Variants in SNTG1 observed in about 807,000 individuals in gnomAD.
The protein encoded by SNTG1 is gamma-1-syntrophin.
SNTG1 carries 39 observed loss-of-function variants against 74.7 expected under a neutral mutation model. The observed-to-expected ratio is 0.52, with a 90% CI of 0.40 to 0.68. The LOEUF (loss-of-function observed/expected upper bound fraction) is 0.68. SNTG1 is among the 30% of genes least tolerant of loss of function. The pLI, the probability that SNTG1 is intolerant of heterozygous loss-of-function variation, is 0.00. For synonymous variants in SNTG1, 254 were observed against 217.1 expected (o/e 1.17, Z -1.49); for missense variants, 685 against 609.5 (o/e 1.12, Z -1.30).
chr8:50,684,337 A>C (rs1161349623), intron 15 of SNTG1, among the ~76,000 whole-genome samples: 1 of 152,222 alleles, frequency 6.6e-6, no homozygotes, highest in Non-Finnish European at 1.5e-5. Context: ...TCTTAGAACT[A>C]TTAATCCTGG....
chr8:50,677,822 ATAGT>A (rs2131375028), intron 15 of SNTG1, among the ~76,000 whole-genome samples: 1 of 152,148 alleles, frequency 6.6e-6, no homozygotes, highest in South Asian at 2.1e-4. Context: ...AGTGGCATAG[ATAGT>A]TTGCAGTGCC....
chr8:50,239,407 G>C (rs1156585813), intron 2 of SNTG1, among the ~76,000 whole-genome samples: 1 of 152,168 alleles, frequency 6.6e-6, no homozygotes, highest in Non-Finnish European at 1.5e-5. Context: ...GGGGAAGCAG[G>C]CACCTTGTTC....
intron 1 of SNTG1, among the ~76,000 whole-genome samples, chr8:49,923,582 T>C (rs1357815389): frequency 2.0e-5 from 3 of 152,086 alleles, no homozygotes; most frequent in Non-Finnish European, 2.9e-5. Flanking sequence ...TGTTAAGACA[T>C]TGAGTCCTAG....
chr8:50,593,034 A>G (rs1035492138), intron 13 of SNTG1, among the ~76,000 whole-genome samples: 2 of 152,186 alleles, frequency 1.3e-5, no homozygotes, highest in African/African-American at 4.8e-5. Flanking sequence ...AAAAACACAT[A>G]TAATCCCATT....
chr8:49,951,900 A>G, intron 1 of SNTG1, among the ~76,000 whole-genome samples: 1 of 144,218 alleles, frequency 6.9e-6, no homozygotes, highest in South Asian at 2.1e-4. Flanking sequence ...AAAAAAAAAA[A>G]AAAAGAAGTA....
At chr8:50,168,939 C>T (rs1222540992) in intron 1 of SNTG1, among the ~76,000 whole-genome samples, 3 of 152,150 alleles carry the variant, frequency 2.0e-5, no homozygotes, top group Admixed American at 6.5e-5. Flanking sequence ...TTCGGTTACA[C>T]GTGCACTCGT....
chr8:50,717,065 T>C (rs1365920791), intron 17 of SNTG1, among the ~76,000 whole-genome samples: 1 of 152,168 alleles, frequency 6.6e-6, no homozygotes, highest in Non-Finnish European at 1.5e-5. Flanking sequence ...ACAAGGACAT[T>C]ATAGAGCATT....
At chr8:50,682,063 C>T (rs117955944) in intron 15 of SNTG1, among the ~76,000 whole-genome samples, 2,443 of 152,254 alleles carry the variant, frequency 0.016, 39 homozygotes, top group Middle Eastern at 0.037. Flanking sequence ...ATGCTTGTTC[C>T]TTGGTACCAA....
At chr8:50,467,948 T>A (rs1477699349) in intron 8 of SNTG1, among the ~76,000 whole-genome samples, 1 of 151,926 alleles carries the variant, frequency 6.6e-6, no homozygotes, top group Admixed American at 6.6e-5. Flanking sequence ...TTTTGAGGTC[T>A]CTTTATTTTA....
intron 9 of SNTG1, among the ~76,000 whole-genome samples, chr8:50,513,134 A>G (rs927881760): frequency 2.0e-5 from 3 of 151,900 alleles, no homozygotes; most frequent in African/African-American, 7.2e-5. Flanking sequence ...TCCTTCTAAC[A>G]GTCAGAACCC....
At chr8:50,611,537 A>T (rs1436826426) in intron 13 of SNTG1, among the ~76,000 whole-genome samples, 6 of 152,178 alleles carry the variant, frequency 3.9e-5, no homozygotes, top group South Asian at 4.1e-4. Context: ...AAAATAAGTG[A>T]CTATGATATT....
In SNTG1 at chr8:50,708,915, T is replaced by C; in HGVS notation, c.1221T>C (p.Ser407=). 6.2e-7 allele frequency: 1 copy of C among 1,613,816 alleles called. No individual in the cohort carries two copies. The highest frequency in any genetic ancestry group is 1.3e-5 in the African/African-American group (1 of 75,052). The change falls in exon 17 of 19, where the codon AGT becomes AGC. Residue 407 remains serine (S), a synonymous_variant. Coordinates refer to ENST00000642720, the MANE Select transcript of SNTG1 (RefSeq NM_018967.5). ...QCKTYACVLE[S]HLMGLTIDFS... ...AGACCTATGCATGTGTGCTAGAAAG[T>C]CATCTAATGGGACTCACAATTGATT...
intron 12 of SNTG1, among the ~76,000 whole-genome samples, chr8:50,583,429 G>C (rs2094624988): frequency 6.7e-6 from 1 of 148,962 alleles, no homozygotes; most frequent in African/African-American, 2.5e-5. Context: ...GAAAATACAT[G>C]AGCCATTAAA....
At chr8:50,733,737 AAT>A (rs2131629398) in intron 17 of SNTG1, among the ~76,000 whole-genome samples, 1 of 151,966 alleles carries the variant, frequency 6.6e-6, no homozygotes, top group African/African-American at 2.4e-5. Flanking sequence ...TCTTTTAAGA[AAT>A]GTGTGTTCGT....
At chr8:50,256,857 A>G (rs1373026022) in intron 2 of SNTG1, among the ~76,000 whole-genome samples, 1 of 152,004 alleles carries the variant, frequency 6.6e-6, no homozygotes, top group Non-Finnish European at 1.5e-5. Context: ...CAAATGGAGA[A>G]TCATTTATTC....
chr8:50,310,998 AC>A (rs1435802894), intron 2 of SNTG1, among the ~76,000 whole-genome samples: 2 of 152,238 alleles, frequency 1.3e-5, no homozygotes, highest in Admixed American at 1.3e-4. Flanking sequence ...TTTCAAGATC[AC>A]ACAGCTACTT....
intron 2 of SNTG1, among the ~76,000 whole-genome samples, chr8:50,218,674 CTAATATAAAGTATTAG>C (rs1348805503): frequency 6.6e-6 from 1 of 151,768 alleles, no homozygotes; most frequent in Non-Finnish European, 1.5e-5. Flanking sequence ...ACCACAGATA[CTAATATAAAGTATTAG>C]TAATATAAAG....
intron 2 of SNTG1, among the ~76,000 whole-genome samples, chr8:50,177,705 T>G (rs2083051504): frequency 6.6e-6 from 1 of 152,192 alleles, no homozygotes; most frequent in South Asian, 2.1e-4. Flanking sequence ...CACACTTAAT[T>G]GAACGCTTTG....
At chr8:50,205,042 G>A (rs6472984) in intron 2 of SNTG1, among the ~76,000 whole-genome samples, 65,431 of 151,984 alleles carry the variant, frequency 0.43, 17,827 homozygotes, top group African/African-American at 0.78. Flanking sequence ...GTGTGCATGT[G>A]TCTTTATAAC....
Sources: allele counts gnomAD v4.1 joint callset (sites outside exome capture counted in the v4.1 genomes callset), GRCh38; gene constraint gnomAD v4.1.1; transcripts MANE v1.5; gene names NCBI Gene and HGNC (gene_info 2026-07-23, HGNC 2026-07-21).